The following CDH13 variants were observed in gnomAD, a reference collection of about 807,000 sequenced individuals.
CDH13 encodes the protein cadherin 13.
CDH13 carries 24 observed loss-of-function variants against 63.8 expected under a neutral mutation model. That is an observed-to-expected ratio of 0.38 (90% CI 0.27 to 0.53). The LOEUF is 0.53. Ranked by LOEUF, CDH13 falls within the 20% of genes least tolerant of loss-of-function variation. CDH13 has a pLI of 0.85. For missense variants in CDH13, 1,049 were observed against 903.1 expected, an observed-to-expected ratio of 1.16 and a Z score of -2.07; for synonymous variants, 503 against 355.3, an observed-to-expected ratio of 1.42 and a Z score of -4.67.
At chr16:82,932,846 G>T (rs185281923) in intron 2 of CDH13, among the ~76,000 whole-genome samples, 4 of 152,246 alleles carry the variant, frequency 2.6e-5, no homozygotes, top group Middle Eastern at 3.4e-3. Context: ...GTAAGATTCC[G>T]TACTTGATTC....
At chr16:82,661,260 C>CATTGAAACAG (rs1282024694) in intron 1 of CDH13, among the ~76,000 whole-genome samples, 5 of 152,230 alleles carry the variant, frequency 3.3e-5, no homozygotes, top group Admixed American at 6.5e-5. Flanking sequence ...ACGCTCTGTC[C>CATTGAAACAG]ATTGAAACAG....
intron 5 of CDH13, among the ~76,000 whole-genome samples, chr16:83,249,733 A>G (rs1905303673): frequency 6.6e-6 from 1 of 152,184 alleles, no homozygotes; most frequent in Admixed American, 6.5e-5. Context: ...TTCTAAGACA[A>G]TGCTACTGGT....
At chr16:82,699,590 A>T (rs1053744738) in intron 1 of CDH13, among the ~76,000 whole-genome samples, 19 of 152,204 alleles carry the variant, frequency 1.2e-4, no homozygotes, top group African/African-American at 4.3e-4. Context: ...TAGAAATGGT[A>T]TTTAAGAGAA....
chr16:83,636,183 C>T (rs1364436009), intron 8 of CDH13, among the ~76,000 whole-genome samples: 2 of 152,102 alleles, frequency 1.3e-5, no homozygotes, highest in East Asian at 3.9e-4. Context: ...ATCTATGTCT[C>T]TGTCTCACCA....
At chr16:83,647,170 C>T (rs1911905150) in intron 8 of CDH13, among the ~76,000 whole-genome samples, 2 of 151,948 alleles carry the variant, frequency 1.3e-5, no homozygotes, top group East Asian at 1.9e-4. Context: ...ATTAGCCAGG[C>T]GTGGTGGCAG....
At chr16:82,906,479 A>C (rs2041651166) in intron 2 of CDH13, among the ~76,000 whole-genome samples, 1 of 152,128 alleles carries the variant, frequency 6.6e-6, no homozygotes. Flanking sequence ...AAGAATAATA[A>C]CCACAAAAGG....
intron 6 of CDH13, among the ~76,000 whole-genome samples, chr16:83,483,672 G>A (rs139077196): frequency 4.6e-5 from 7 of 152,228 alleles, no homozygotes; most frequent in African/African-American, 1.7e-4. Context: ...GGAATTGATG[G>A]GGTTAAGGCC....
At chr16:82,822,758 G>T (rs1199122593) in intron 1 of CDH13, among the ~76,000 whole-genome samples, 1 of 152,340 alleles carries the variant, frequency 6.6e-6, no homozygotes, top group Non-Finnish European at 1.5e-5. Context: ...GCCTCCCAAA[G>T]TGCTGAGATT....
chr16:82,801,657 A>C (rs144149888), intron 1 of CDH13, among the ~76,000 whole-genome samples: 3 of 152,374 alleles, frequency 2.0e-5, no homozygotes, highest in Non-Finnish European at 2.9e-5. Context: ...GCTTAACCGT[A>C]GACAGGAACC....
intron 1 of CDH13, among the ~76,000 whole-genome samples, chr16:82,660,167 G>A (rs920968371): frequency 5.3e-5 from 8 of 152,102 alleles, no homozygotes; most frequent in Non-Finnish European, 1.5e-5. Flanking sequence ...AAGAGAGGGA[G>A]GGAAAATGTG....
chr16:82,822,608 C>A (rs1362613711), intron 1 of CDH13, among the ~76,000 whole-genome samples: 2 of 152,120 alleles, frequency 1.3e-5, no homozygotes, highest in African/African-American at 4.8e-5. Context: ...GATCCTCCTG[C>A]CTTAGCCTTC....
intron 1 of CDH13, among the ~76,000 whole-genome samples, chr16:82,705,788 T>C (rs1161086393): frequency 6.6e-6 from 1 of 152,174 alleles, no homozygotes; most frequent in Non-Finnish European, 1.5e-5. Flanking sequence ...ATAGACTTGA[T>C]TGTGCTTCTC....
chr16:82,856,096 G>T (rs1366187301), intron 1 of CDH13, among the ~76,000 whole-genome samples: 1 of 152,080 alleles, frequency 6.6e-6, no homozygotes, highest in African/African-American at 2.4e-5. Context: ...ACTAGCTGGG[G>T]CCGGGCACGG....
At chr16:83,072,217 G>T (rs1035648405) in intron 3 of CDH13, among the ~76,000 whole-genome samples, 6 of 152,194 alleles carry the variant, frequency 3.9e-5, no homozygotes, top group South Asian at 2.1e-4. Flanking sequence ...TCCTTGCTCT[G>T]TATTCAGTTT....
At chr16:83,374,796 G>A (rs572094334) in intron 6 of CDH13, among the ~76,000 whole-genome samples, 21 of 152,284 alleles carry the variant, frequency 1.4e-4, no homozygotes, top group Admixed American at 2.6e-4. Context: ...CTAGTCTCCT[G>A]TTCTCACACA....
intron 6 of CDH13, among the ~76,000 whole-genome samples, chr16:83,410,408 T>A (rs74752920): frequency 6.6e-6 from 1 of 152,166 alleles, no homozygotes; most frequent in South Asian, 2.1e-4. Context: ...AAAGCAAATA[T>A]GAAAATTCAT....
intron 1 of CDH13, among the ~76,000 whole-genome samples, chr16:82,682,852 C>T (rs1914690403): frequency 6.6e-6 from 1 of 152,206 alleles, no homozygotes; most frequent in Non-Finnish European, 1.5e-5. Flanking sequence ...ACTGGTGCTT[C>T]CCCTGAGCCA....
At chr16:83,539,701 C>A (rs932923153) in intron 7 of CDH13, among the ~76,000 whole-genome samples, 10 of 152,214 alleles carry the variant, frequency 6.6e-5, no homozygotes, top group Admixed American at 5.2e-4. Context: ...GAAATAGGTA[C>A]TGTAATTATT....
chr16:83,552,838 T>C (rs938876749), intron 7 of CDH13, among the ~76,000 whole-genome samples: 21 of 152,206 alleles, frequency 1.4e-4, no homozygotes, highest in African/African-American at 3.1e-4. Context: ...TCCAGCTCTT[T>C]GGGAGGCCAA....
Sources: allele counts gnomAD v4.1 joint callset (sites outside exome capture counted in the v4.1 genomes callset), GRCh38; gene constraint gnomAD v4.1.1; transcripts MANE v1.5; gene names NCBI Gene and HGNC (gene_info 2026-07-23, HGNC 2026-07-21).